DDX54: variants seen among roughly 807,000 people sequenced by gnomAD.
DDX54 encodes DEAD-box helicase 54.
Under a neutral mutation model 105.5 loss-of-function variants are expected in DDX54, and 67 were observed. The ratio of observed to expected loss-of-function variants is 0.64; its 90% CI spans 0.52 to 0.78. The LOEUF is 0.78. Ranked by LOEUF, DDX54 falls within the 30% of genes least tolerant of loss-of-function variation. The pLI, the probability that DDX54 is intolerant of heterozygous loss-of-function variation, is 0.00. For synonymous variants in DDX54, 514 were observed against 509.9 expected (o/e 1.01, Z -0.11); for missense variants, 1,206 against 1,230.5 (o/e 0.98, Z 0.30).
intron 3 of DDX54, among the ~76,000 whole-genome samples, chr12:113,179,633 G>A (rs1420115614): frequency 2.6e-5 from 4 of 152,266 alleles, no homozygotes; most frequent in East Asian, 3.9e-4. Context: ...CCCACTGGGC[G>A]AAATGTCTAA....
At position 113,158,207 on chromosome 12, in the gene DDX54, T is replaced by G; in HGVS notation, c.*670A>C. ...TGGAGGGGCCGCGTTAACCTCTTCA[T>G]AGCCAGAGGGGAGCAGCTGTGTCCT... On this transcript the variant is annotated 3_prime_UTR_variant, in exon 20 of 20. Transcript: ENST00000306014. The surrounding 1 kb of genome is among the most constrained non-coding windows in gnomAD (Gnocchi z 4.9). 1 of 155,830 alleles carries G rather than the reference T, an allele frequency of 6.4e-6. No individual in the cohort carries two copies. Among genetic ancestry groups the G allele is most frequent in the Admixed American group, 6.2e-5 (1 of 16,088 alleles). 9.7% of individuals were successfully genotyped at this position (155,830 alleles called of 1,614,324 possible).
intron 12 of DDX54, among the ~76,000 whole-genome samples, chr12:113,166,458 C>T (rs914497014): frequency 2.0e-5 from 3 of 152,022 alleles, no homozygotes; most frequent in African/African-American, 2.4e-5. Flanking sequence ...CTCAGAGTTC[C>T]GGGAGGCTGA....
chr12:113,164,876 A>T lies in DDX54; in HGVS notation c.1720-591T>A, dbSNP rs1952254378. Among the ~76,000 whole-genome samples the T allele has an allele frequency of 2.6e-5, 4 of 151,874 alleles. No homozygotes were observed. The South Asian group carries it at 8.3e-4, about 32-fold the overall frequency. ...CCTCATCTCTACAAAAAATAAAAAA[A>T]AATAGCTGGGTGTGGTGGCATGCAC... On this transcript the variant is annotated intron_variant, in intron 14 of 19. Transcript: ENST00000306014.
At chr12:113,162,051 G>C in intron 17 of DDX54, 54 bp from the exon 18 acceptor site, 1 of 1,567,874 alleles carries the variant, frequency 6.4e-7, no homozygotes, top group Non-Finnish European at 8.7e-7. Flanking sequence ...TTGGAGTGCC[G>C]GCTGCCGCTT....
intron 14 of DDX54, 37 bp from the exon 15 acceptor site, chr12:113,164,322 T>G: frequency 6.5e-7 from 1 of 1,539,540 alleles, no homozygotes; most frequent in Non-Finnish European, 8.7e-7. Flanking sequence ...CCCACTGGCC[T>G]CCTACTCCTA....
chr12:113,178,971 C>G lies in DDX54; in HGVS notation c.614+6G>C. On this transcript the variant is annotated splice_donor_region_variant and intron_variant, in intron 5 of 19. Coordinates refer to ENST00000306014, the MANE Select transcript of DDX54 (RefSeq NM_024072.4). ...GTGACCCTGGCATGGGGTGCAGGGACCTTACCTGTCTCCACCCAGGATCAG... is the reference window on the plus strand; with the variant it reads ...GTGACCCTGGCATGGGGTGCAGGGAGCTTACCTGTCTCCACCCAGGATCAG... 6.2e-7 allele frequency: 1 copy of G among 1,613,982 alleles called. No homozygotes were observed. The highest frequency in any genetic ancestry group is 8.5e-7 in the Non-Finnish European group (1 of 1,179,936).
rs142959763 is a variant in DDX54, at chr12:113,165,998, C to G, written c.1449G>C (p.Val483=). The change falls in exon 13 of 20, where the codon GTG becomes GTC. Residue 483 remains valine, a synonymous_variant. Transcript: ENST00000306014. The part of the protein sequence containing the change: ...VAGVDGMLGR[V]PQSVVDEEDS... ...CCTCCTCGTCCACCACACTCTGTGG[C>G]ACCCGACCCAGCATGCCATCCACAC... 28 of 1,610,606 alleles carry G rather than the reference C, an allele frequency of 1.7e-5. No homozygotes were observed. Among genetic ancestry groups the G allele is most frequent in the Non-Finnish European group, 2.3e-5 (27 of 1,179,984 alleles).
chr12:113,179,354 G>A (rs1341709242), intron 3 of DDX54, 23 bp from the exon 4 acceptor site: 8 of 1,607,554 alleles, frequency 5.0e-6, no homozygotes, highest in Non-Finnish European at 8.5e-7. Flanking sequence ...AAGCAGGGAA[G>A]TCAAGGTCAG....
intron 6 of DDX54, 56 bp from the exon 7 acceptor site, chr12:113,176,991 C>G: frequency 6.2e-7 from 1 of 1,613,492 alleles, no homozygotes; most frequent in Non-Finnish European, 8.5e-7. Flanking sequence ...CACCACAGTT[C>G]TCTTACACCC....
intron 14 of DDX54, 133 bp downstream of exon 14, chr12:113,165,511 T>A: frequency 3.2e-6 from 3 of 937,702 alleles, no homozygotes; most frequent in Non-Finnish European, 4.6e-6. Flanking sequence ...GCTGGGGTCC[T>A]GCTGGGGGTC....
At chr12:113,177,346 A>C in intron 5 of DDX54, 2 of 450,632 alleles carry the variant, frequency 4.4e-6, no homozygotes, top group Non-Finnish European at 7.9e-6. Context: ...ACCTCAATTC[A>C]CTCCTTCTGT....
Position 113,185,446 on chromosome 12 carries a change from C to A in DDX54, c.6G>T (p.Ala2=), listed in dbSNP as rs937449298. ...GTCCAGCCGCCGGGCCCTTGTCGGC[C>A]GCCATTCGGGCCGCGCGCTGGGAAC... M[A]ADKGPAAGPR... is the part of the protein sequence containing the mutation. Residue 2 remains alanine, a synonymous_variant, in exon 1 of 20, where the codon GCG becomes GCT. Coordinates refer to ENST00000306014, the MANE Select transcript of DDX54 (RefSeq NM_024072.4). 7 of 1,505,632 alleles carry A rather than the reference C, an allele frequency of 4.6e-6. No individual in the cohort carries two copies. The East Asian group carries it at 7.9e-5, about 17-fold the overall frequency. 93.3% of individuals were successfully genotyped at this position (1,505,632 alleles called of 1,614,324 possible).
rs1952176751 is a variant in DDX54 at position 113,159,264 on chromosome 12, T to C, written c.2414-155A>G. On this transcript the variant is annotated intron_variant, in intron 19 of 19. Coordinates refer to ENST00000306014, the MANE Select transcript of DDX54 (RefSeq NM_024072.4). ...TACACAGTAGGTGGCTAATAAAGTTTTAGGCAGCCTCATGGAGTGGTCAAT... is the reference window on the plus strand; with the variant it reads ...TACACAGTAGGTGGCTAATAAAGTTCTAGGCAGCCTCATGGAGTGGTCAAT... 9 of 824,946 alleles carry C rather than the reference T, an allele frequency of 1.1e-5. No homozygotes were observed. The Admixed American group carries it at 1.5e-4, about 14-fold the overall frequency. 51.1% of individuals were successfully genotyped at this position (824,946 alleles called of 1,614,324 possible).
intron 19 of DDX54, 138 bp downstream of exon 19, chr12:113,161,131 AG>A: frequency 1.8e-6 from 1 of 563,358 alleles, no homozygotes; most frequent in South Asian, 3.1e-5. Context: ...GGAGGGACCC[AG>A]GGTTTTGGCA....
At chr12:113,181,484 T>A (rs544041679) in intron 1 of DDX54, among the ~76,000 whole-genome samples, 16 of 151,784 alleles carry the variant, frequency 1.1e-4, no homozygotes, top group African/African-American at 2.2e-4. Flanking sequence ...ATTTATTTTT[T>A]TTTTTTTGTA....
At chr12:113,161,409 G>A (rs757140723) in intron 18 of DDX54, 27 bp from the exon 19 acceptor site, 6 of 1,580,858 alleles carry the variant, frequency 3.8e-6, no homozygotes, top group South Asian at 1.1e-5. Context: ...AGGAAGCTGC[G>A]TGAAGCCCCT....
intron 7 of DDX54, among the ~76,000 whole-genome samples, chr12:113,175,683 A>G (rs1028462546): frequency 6.6e-6 from 1 of 151,778 alleles, no homozygotes; most frequent in Non-Finnish European, 1.5e-5. Flanking sequence ...CAGCTACTCG[A>G]GAGGCTGAGG....
rs375472452 is a variant in DDX54, at chr12:113,176,860, C to T, written c.732G>A (p.Val244=). Residue 244 remains valine (V), a synonymous_variant, in exon 7 of 20, where the codon GTG becomes GTA. Transcript: ENST00000306014. ...MSLKLQSVEY[V]VFDEADRLFE... ...CTTACCGGTCAGCTTCATCGAACAC[C>T]ACGTATTCCACACTCTGCAGCTTCA... 55 of 1,614,168 alleles carry T rather than the reference C, an allele frequency of 3.4e-5. No homozygotes were observed. In the South Asian group the frequency reaches 4.5e-4, roughly 13 times the overall value.
At position 113,164,097 on chromosome 12, in the gene DDX54, C is replaced by A. The variant is rs1348805075; in HGVS notation, c.1908G>T (p.Glu636Asp). The A allele has an allele frequency of 1.0e-5, 16 of 1,550,718 alleles. No individual in the cohort carries two copies. The highest frequency in any genetic ancestry group is 1.4e-5 in the Non-Finnish European group (16 of 1,146,736). The change falls in exon 15 of 20, where the codon GAG (glutamate) becomes GAT (aspartate). Residue 636 changes from glutamate (E) to aspartate (D), a missense_variant. By Grantham distance (45) the Glu-to-Asp change is conservative (BLOSUM62 2). Transcript: ENST00000306014. ...CACTCTCTCCCGCCTCCTCCTCCTC[C>A]TCCTTCTCAGGCTGCTTCTCCTGCA... is the stretch of plus-strand genomic sequence containing the variant. Reference protein sequence around the residue: ...PALQEKQPEKEEEEEAGESVE... With the variant: ...PALQEKQPEKDEEEEAGESVE...
Sources: allele counts gnomAD v4.1 joint callset (sites outside exome capture counted in the v4.1 genomes callset), GRCh38; gene constraint gnomAD v4.1.1; non-coding constraint Gnocchi (gnomAD v3.1); transcripts MANE v1.5; gene names NCBI Gene and HGNC (gene_info 2026-07-23, HGNC 2026-07-21).